The following TRPC5 variants were observed in gnomAD, a reference collection of about 807,000 sequenced individuals.
TRPC5 encodes the protein short transient receptor potential channel 5.
A neutral mutation model predicts 56.5 loss-of-function variants in TRPC5; 9 were observed. The observed-to-expected ratio is 0.16, with a 90% CI of 0.10 to 0.28. The LOEUF (loss-of-function observed/expected upper bound fraction) is 0.28, where lower values mean the gene tolerates loss of function less well. Among genes scored for constraint, TRPC5 ranks in the 10% least tolerant of loss-of-function variants. The probability of loss-of-function intolerance (pLI) is 1.00; values close to 1 mark genes in which losing one functional copy is unlikely to be tolerated. For synonymous variants in TRPC5, 282 were observed against 278.5 expected, an observed-to-expected ratio of 1.01 and a Z score of -0.13; for missense variants, 469 against 748.9, an observed-to-expected ratio of 0.63 and a Z score of 4.36.
chrX:111,965,694 G>C (rs1927542404), intron 1 of TRPC5, among the ~76,000 whole-genome samples: 1 of 111,765 alleles, frequency 8.9e-6, no homozygotes, highest in Non-Finnish European at 1.9e-5. Context: ...TCAACTACAT[G>C]GAAACTGAAC....
intron 3 of TRPC5, among the ~76,000 whole-genome samples, chrX:111,857,366 G>A (rs987350126): frequency 9.0e-6 from 1 of 111,729 alleles, no homozygotes; most frequent in Non-Finnish European, 1.9e-5. Flanking sequence ...TGATGGATGG[G>A]GAATGGAGTA....
Position 111,806,621 on chromosome X carries a change from T to G in TRPC5, c.1897-24483A>C, listed in dbSNP as rs759184324. On this transcript the variant is annotated intron_variant, in intron 7 of 10. Coordinates refer to ENST00000262839, the MANE Select transcript of TRPC5 (RefSeq NM_012471.3). ...AAATGACATCACTTTTGCCATATTCTTTTTCTTCTCCTGGCATTTTAAATG... is the reference window on the plus strand; with the variant it reads ...AAATGACATCACTTTTGCCATATTCGTTTTCTTCTCCTGGCATTTTAAATG... 7.1e-5 allele frequency among the ~76,000 whole-genome samples: 8 copies of G among 112,072 alleles called. No homozygotes were observed. In the South Asian group the frequency reaches 3.0e-3, roughly 42 times the overall value.
intron 1 of TRPC5, among the ~76,000 whole-genome samples, chrX:112,018,515 C>A (rs1429784267): frequency 8.9e-6 from 1 of 111,967 alleles, no homozygotes; most frequent in African/African-American, 3.3e-5. Context: ...GTAAATCTTT[C>A]TCATGTCTTT....
At chrX:111,929,896 T>C (rs1175149176) in intron 2 of TRPC5, among the ~76,000 whole-genome samples, 1 of 111,895 alleles carries the variant, frequency 8.9e-6, no homozygotes, top group African/African-American at 3.3e-5. Flanking sequence ...TCATAAATCA[T>C]AGTTGATATA....
At chrX:111,804,535 T>C (rs1921430324) in intron 7 of TRPC5, among the ~76,000 whole-genome samples, 1 of 111,505 alleles carries the variant, frequency 9.0e-6, no homozygotes, top group Non-Finnish European at 1.9e-5. Flanking sequence ...TGTTGAGCAG[T>C]GGTTTGTAGT....
At position 111,912,607 on chromosome X, in the gene TRPC5, G is replaced by A; in HGVS notation, c.584C>T (p.Ser195Phe). ...CAGAGCCTTATAGATGTTCAGTCGGGAGCGAGAGTGGCGCAGGCTGTCTAC... is the reference window on the plus strand; with the variant it reads ...CAGAGCCTTATAGATGTTCAGTCGGAAGCGAGAGTGGCGCAGGCTGTCTAC... The part of the protein sequence containing the change: ...SEVDSLRHSR[S>F]RLNIYKALAS... Residue 195 changes from serine (S) to phenylalanine (F), a missense_variant, in exon 3 of 11, where the codon TCC becomes TTC. Physicochemically the swap from Ser to Phe is radical, Grantham distance 155 (BLOSUM62 -2). Around this residue, in one of 3 missense-constraint regions of TRPC5, gnomAD observed 118 missense variants for 167.1 expected, o/e 0.71. Coordinates refer to ENST00000262839, the MANE Select transcript of TRPC5 (RefSeq NM_012471.3). 2 of 1,211,478 alleles carry A rather than the reference G, an allele frequency of 1.7e-6. No individual in the cohort carries two copies. The highest frequency in any genetic ancestry group is 2.2e-6 in the Non-Finnish European group (2 of 895,452).
At chrX:111,913,133 G>A (rs1673053277) in intron 2 of TRPC5, among the ~76,000 whole-genome samples, 1 of 111,304 alleles carries the variant, frequency 9.0e-6, no homozygotes, top group African/African-American at 3.3e-5. Flanking sequence ...TTAGTCAGCA[G>A]AGCCAGGATT....
chrX:111,888,122 A>T (rs749070598), intron 3 of TRPC5, among the ~76,000 whole-genome samples: 34 of 111,544 alleles, frequency 3.0e-4, no homozygotes, highest in Non-Finnish European at 6.0e-4. Context: ...AGACCATTCC[A>T]GGCAGAATAG....
chrX:111,777,341 C>T (rs1945886875), intron 10 of TRPC5, among the ~76,000 whole-genome samples: 1 of 110,940 alleles, frequency 9.0e-6, no homozygotes, highest in South Asian at 3.8e-4. Context: ...CAGGTGTCTG[C>T]ATATAAAAGG....
intron 3 of TRPC5, among the ~76,000 whole-genome samples, chrX:111,908,141 A>G (rs903961938): frequency 1.8e-5 from 2 of 112,300 alleles, no homozygotes; most frequent in African/African-American, 6.5e-5. Context: ...AGACTCAATG[A>G]AACCACATAT....
At chrX:112,002,900 C>T (rs1928734174) in intron 1 of TRPC5, among the ~76,000 whole-genome samples, 1 of 111,956 alleles carries the variant, frequency 8.9e-6, no homozygotes, top group Admixed American at 9.5e-5. Flanking sequence ...TGAATGCAAA[C>T]AGAATAATTA....
At chrX:111,968,302 A>G (rs1427495757) in intron 1 of TRPC5, among the ~76,000 whole-genome samples, 2 of 110,923 alleles carry the variant, frequency 1.8e-5, no homozygotes, top group Non-Finnish European at 3.8e-5. Flanking sequence ...TTAGAATGGC[A>G]ATCATTAAAA....
chrX:112,000,901 C>A (rs1298793731), intron 1 of TRPC5, among the ~76,000 whole-genome samples: 4 of 112,037 alleles, frequency 3.6e-5, no homozygotes, highest in African/African-American at 9.7e-5. Context: ...TCTCAGCAAG[C>A]CTGATAAATT....
chrX:112,011,127 G>A (rs1928980967), intron 1 of TRPC5, among the ~76,000 whole-genome samples: 1 of 111,657 alleles, frequency 9.0e-6, no homozygotes, highest in Non-Finnish European at 1.9e-5. Flanking sequence ...CCATGTACAT[G>A]GTAGACTGGT....
intron 3 of TRPC5, among the ~76,000 whole-genome samples, chrX:111,899,017 A>G (rs1032015537): frequency 1.8e-5 from 2 of 110,673 alleles, no homozygotes; most frequent in African/African-American, 3.3e-5. Flanking sequence ...GGAAATTACC[A>G]TAACTGGCAT....
At chrX:111,954,323 C>G (rs1016470604) in intron 1 of TRPC5, among the ~76,000 whole-genome samples, 1 of 111,764 alleles carries the variant, frequency 8.9e-6, no homozygotes, top group Admixed American at 9.5e-5. Context: ...TCTGCTAGCC[C>G]CTGCTAGGGG....
At chrX:111,842,725 T>C (rs150070996) in intron 6 of TRPC5, among the ~76,000 whole-genome samples, 5,774 of 111,786 alleles carry the variant, frequency 0.052, 336 homozygotes, top group African/African-American at 0.17. Context: ...TAAGATGAAA[T>C]ATATAGGGAT....
intron 3 of TRPC5, among the ~76,000 whole-genome samples, chrX:111,887,263 C>G (rs1924550606): frequency 8.9e-6 from 1 of 112,686 alleles, no homozygotes; most frequent in African/African-American, 3.2e-5. Flanking sequence ...ATTTATTCCA[C>G]TAAGTAGATG....
chrX:111,855,194 C>T lies in TRPC5; in HGVS notation c.901-1088G>A, dbSNP rs765706186. ...TTGCCTAACTTTACTGTTAGTTTAT[C>T]TGTGAAGGTCACTAGTTTCCCAGCA... On this transcript the variant is annotated intron_variant, in intron 3 of 10. Coordinates refer to ENST00000262839, the MANE Select transcript of TRPC5 (RefSeq NM_012471.3). Among the ~76,000 whole-genome samples the T allele has an allele frequency of 3.6e-5, 4 of 112,176 alleles. No individual in the cohort carries two copies. The South Asian group carries it at 1.5e-3, about 43-fold the overall frequency.
Sources: allele counts gnomAD v4.1 joint callset (sites outside exome capture counted in the v4.1 genomes callset), GRCh38; gene constraint gnomAD v4.1.1; regional missense constraint gnomAD v4.1.1; transcripts MANE v1.5; gene names NCBI Gene and HGNC (gene_info 2026-07-23, HGNC 2026-07-21).